The following POLI variants were observed in gnomAD, a reference collection of about 807,000 sequenced individuals.
POLI encodes DNA polymerase iota.
In POLI, 58 loss-of-function variants were observed where a neutral mutation model predicts 51.6. The ratio of observed to expected loss-of-function variants is 1.12; its 90% CI spans 0.91 to 1.40. POLI has a LOEUF of 1.40. Among genes scored for constraint, POLI ranks in the 40% most tolerant of loss-of-function variants. The pLI, the probability that POLI is intolerant of heterozygous loss-of-function variation, is 0.00. For synonymous variants in POLI, 322 were observed against 299.7 expected (o/e 1.07, Z -0.77); for missense variants, 921 against 871.3 (o/e 1.06, Z -0.72).
At chr18:54,300,590 TAGTA>T (rs1478772775), downstream of POLI, among the ~76,000 whole-genome samples, 6 of 151,902 alleles carry the variant, frequency 3.9e-5, no homozygotes, top group Non-Finnish European at 8.8e-5. Flanking sequence ...AGAAAACAAA[TAGTA>T]GGTTGGTACA....
At position 54,296,145 on chromosome 18, in the gene POLI, T is replaced by C. The variant is rs979780202; in HGVS notation, c.*1678T>C. On this transcript the variant is annotated 3_prime_UTR_variant, in exon 10 of 10. Transcript: ENST00000579534. ...AAGGTAATTAAACTTATGAAAAGGGTATATAACTTTTTGTAAATCATTAAA... is the reference window on the plus strand; with the variant it reads ...AAGGTAATTAAACTTATGAAAAGGGCATATAACTTTTTGTAAATCATTAAA... 8.1e-6 allele frequency: 8 copies of C among 982,498 alleles called. No homozygotes were observed. The African/African-American group carries it at 1.2e-4, about 15-fold the overall frequency. The allele number at this position is 982,498 out of a possible 1,614,324, so 60.9% of individuals were successfully genotyped here.
At position 54,311,691 on chromosome 18, in the gene POLI, A is replaced by C. The variant is rs920358803; in HGVS notation, c.334-8582A>C. The stretch of plus-strand genomic sequence containing the variant: ...GCAGTGAAAAAAACTTGGGAGGTAC[A>C]CACTCACAGAATCTGTATATTTACT... On this transcript the variant is annotated intron_variant, in intron 3 of 4. Transcript: ENST00000579823. Among the ~76,000 whole-genome samples, 8 of 152,328 alleles carry C rather than the reference A, an allele frequency of 5.3e-5. No homozygotes were observed. The Middle Eastern group carries it at 0.01, about 194-fold the overall frequency.
rs113888456 is a variant in POLI, at chr18:54,291,884, G to T, written c.1250G>T (p.Arg417Leu). 4 of 1,608,340 alleles carry T rather than the reference G, an allele frequency of 2.5e-6. No individual in the cohort carries two copies. In the African/African-American group the frequency reaches 4.0e-5, roughly 16 times the overall value. ...PMVDILMKLF[R>L]NMVNVKMPFH... ...GTTGATATACTTATGAAACTTTTTC[G>T]AAATATGGTGAATGTGAAGATGCCA... The change falls in exon 9 of 10, where the codon CGA (arginine) becomes CTA (leucine). Residue 417 changes from arginine to leucine, a missense_variant. Arg to Leu is a moderately radical substitution (Grantham distance 102, BLOSUM62 -2). Coordinates refer to ENST00000579534, the MANE Select transcript of POLI (RefSeq NM_007195.3).
chr18:54,314,349 T>C (rs1429843394), intron 3 of POLI, among the ~76,000 whole-genome samples: 1 of 152,222 alleles, frequency 6.6e-6, no homozygotes, highest in Non-Finnish European at 1.5e-5. Context: ...ATTAACTTTT[T>C]GATGTTCTGC....
At chr18:54,318,782 G>A (rs2088763402) in intron 3 of POLI, among the ~76,000 whole-genome samples, 1 of 152,170 alleles carries the variant, frequency 6.6e-6, no homozygotes, top group Non-Finnish European at 1.5e-5. Flanking sequence ...ATGGCTAGGT[G>A]AGGCACCAGA....
rs2088271236 is a variant in POLI at position 54,295,374 on chromosome 18, A to G, written c.*907A>G. ...TGGATGTCCTCTTTCTCCCATTGTT[A>G]TTGCCTTCCTCTTTTGCCTGCTAAA... is the stretch of plus-strand genomic sequence containing the variant. On this transcript the variant is annotated 3_prime_UTR_variant, in exon 10 of 10. Transcript: ENST00000579534. 1.0e-6 allele frequency: 1 copy of G among 984,000 alleles called. No homozygotes were observed. Among genetic ancestry groups the G allele is most frequent in the African/African-American group, 1.7e-5 (1 of 57,202 alleles). The allele number at this position is 984,000 out of a possible 1,614,324, so 61.0% of individuals were successfully genotyped here.
downstream of POLI, among the ~76,000 whole-genome samples, chr18:54,302,412 A>G (rs1032030972): frequency 1.3e-5 from 2 of 152,120 alleles, no homozygotes; most frequent in African/African-American, 4.8e-5. Context: ...CTCTTTTACA[A>G]TTCTCTAGAA....
intron 3 of POLI, among the ~76,000 whole-genome samples, chr18:54,314,035 A>G (rs1416598311): frequency 6.6e-6 from 1 of 152,138 alleles, no homozygotes; most frequent in Non-Finnish European, 1.5e-5. Flanking sequence ...CTGATTTTCA[A>G]AGGGAATGCG....
chr18:54,281,671 T>G (rs1004768240), intron 5 of POLI, among the ~76,000 whole-genome samples: 3 of 152,142 alleles, frequency 2.0e-5, no homozygotes, highest in Admixed American at 6.5e-5. Context: ...AAGAACAATG[T>G]CAGGTTGTAA....
chr18:54,284,449 A>C (rs1233635679), intron 7 of POLI, among the ~76,000 whole-genome samples: 2 of 152,244 alleles, frequency 1.3e-5, no homozygotes, highest in Non-Finnish European at 2.9e-5. Context: ...GCGAAATACA[A>C]AACCCGTGAA....
At chr18:54,279,097 T>C (rs895775609) in intron 4 of POLI, among the ~76,000 whole-genome samples, 1 of 135,920 alleles carries the variant, frequency 7.4e-6, no homozygotes, top group Admixed American at 7.5e-5. Flanking sequence ...GAGTACATTA[T>C]AGAGAGCTAG....
intron 2 of POLI, among the ~76,000 whole-genome samples, chr18:54,273,018 AC>A (rs1332527962): frequency 1.4e-5 from 2 of 144,008 alleles, no homozygotes; most frequent in Non-Finnish European, 2.9e-5. Flanking sequence ...AGTGGACATA[AC>A]CTTTTTTTTC....
chr18:54,272,395 G>A (rs1362997972), intron 2 of POLI, among the ~76,000 whole-genome samples: 1 of 152,168 alleles, frequency 6.6e-6, no homozygotes, highest in East Asian at 1.9e-4. Flanking sequence ...AATTAAGTAC[G>A]AATGAATGAT....
chr18:54,286,103 A>C (rs1272070704), intron 7 of POLI, among the ~76,000 whole-genome samples: 3 of 152,104 alleles, frequency 2.0e-5, no homozygotes, highest in Non-Finnish European at 2.9e-5. Context: ...GGCTCAAGTG[A>C]TCCTCCCACC....
Position 54,296,143 on chromosome 18 carries a change from G to T in POLI, c.*1676G>T. The T allele has an allele frequency of 1.0e-6, 1 of 981,972 alleles. No individual in the cohort carries two copies. The highest frequency in any genetic ancestry group is 4.7e-5 in the South Asian group (1 of 21,216). The allele number at this position is 981,972 out of a possible 1,614,324, so 60.8% of individuals were successfully genotyped here. On this transcript the variant is annotated 3_prime_UTR_variant, in exon 10 of 10. Coordinates refer to ENST00000579534, the MANE Select transcript of POLI (RefSeq NM_007195.3). ...GTAAGGTAATTAAACTTATGAAAAG[G>T]GTATATAACTTTTTGTAAATCATTA... is the stretch of plus-strand genomic sequence containing the variant.
intron 3 of POLI, among the ~76,000 whole-genome samples, chr18:54,313,810 C>G (rs777135987): frequency 2.6e-5 from 4 of 152,102 alleles, no homozygotes; most frequent in Non-Finnish European, 2.9e-5. Flanking sequence ...ATTTTGTATC[C>G]TGAAACTTTG....
At position 54,296,876 on chromosome 18, in the gene POLI, TTTTGATAA is replaced by T; in HGVS notation, c.*2413_*2420del. 1.2e-6 allele frequency: 1 copy of T among 852,576 alleles called. No homozygotes were observed. Among genetic ancestry groups the T allele is most frequent in the Non-Finnish European group, 1.4e-6 (1 of 709,714 alleles). The allele number at this position is 852,576 out of a possible 1,614,324, so 52.8% of individuals were successfully genotyped here. On this transcript the variant is annotated 3_prime_UTR_variant, in exon 10 of 10. Coordinates refer to ENST00000579534, the MANE Select transcript of POLI (RefSeq NM_007195.3). ...TTTTTAAAAGTCAAATATATGATAT[TTTTGATAA>T]TTTCAATATTTTAAGTCTTTATAAG...
chr18:54,278,647 A>G (rs2087359519), intron 4 of POLI, among the ~76,000 whole-genome samples: 1 of 152,232 alleles, frequency 6.6e-6, no homozygotes, highest in Non-Finnish European at 1.5e-5. Flanking sequence ...AAGAAAGCAG[A>G]ATGGTTTGTC....
At position 54,294,451 on chromosome 18, in the gene POLI, A is replaced by G. The variant is rs901034435; in HGVS notation, c.2207A>G (p.His736Arg). 6.3e-7 allele frequency: 1 copy of G among 1,596,850 alleles called. No homozygotes were observed. The highest frequency in any genetic ancestry group is 8.5e-7 in the Non-Finnish European group (1 of 1,173,316). Reference sequence around the variant, plus strand: ...TGGAAGAGAGCAGGATCAGATTTCCACATTGGACATAAATAAGCATATTCA... The same window carrying G: ...TGGAAGAGAGCAGGATCAGATTTCCGCATTGGACATAAATAAGCATATTCA... ...AEWKRAGSDF[H>R]IGHK The change falls in exon 10 of 10, where the codon CAC becomes CGC. Residue 736 changes from histidine to arginine, a missense_variant. Coordinates refer to ENST00000579534, the MANE Select transcript of POLI (RefSeq NM_007195.3).
Sources: gnomAD v4.1 joint callset for allele counts (sites outside exome capture counted in the v4.1 genomes callset) on GRCh38, gnomAD v4.1.1 for gene constraint, MANE v1.5 for transcripts, NCBI Gene and HGNC (gene_info 2026-07-23, HGNC 2026-07-21) for gene names.